PCDHGA1: variants seen among roughly 807,000 people sequenced by gnomAD.
The protein encoded by PCDHGA1 is protocadherin gamma-A1.
Under a neutral mutation model 58.0 loss-of-function variants are expected in PCDHGA1, and 32 were observed. The ratio of observed to expected loss-of-function variants is 0.55; its 90% CI spans 0.42 to 0.74. The LOEUF (loss-of-function observed/expected upper bound fraction) is 0.74, where lower values mean the gene tolerates loss of function less well. Among genes scored for constraint, PCDHGA1 ranks in the 30% least tolerant of loss-of-function variants. PCDHGA1 has a pLI of 0.00. For synonymous variants in PCDHGA1, 498 were observed against 501.1 expected (o/e 0.99, Z 0.08); for missense variants, 1,205 against 1,182.3 (o/e 1.02, Z -0.28).
chr5:141,434,027 G>A (rs887125944), intron 1 of PCDHGA1, among the ~76,000 whole-genome samples: 3 of 152,130 alleles, frequency 2.0e-5, no homozygotes, highest in Non-Finnish European at 2.9e-5. Flanking sequence ...GATTCTGGAA[G>A]CATGGTTTTC....
chr5:141,355,967 C>T (rs745830761), intron 1 of PCDHGA1: 1 of 1,613,862 alleles, frequency 6.2e-7, no homozygotes, highest in South Asian at 1.1e-5. Flanking sequence ...GAGAACGTTC[C>T]TGTAGGCACT....
rs185280755 is a variant in PCDHGA1 at position 141,476,824 on chromosome 5, C to T, written c.2422-17983C>T. Reference sequence around the variant, plus strand: ...TGCCTATTCACATCAAGGTGCTGGACGCGAATGACAATGCGCCTGTCTTCA... The same window carrying T: ...TGCCTATTCACATCAAGGTGCTGGATGCGAATGACAATGCGCCTGTCTTCA... On this transcript the variant is annotated intron_variant, in intron 1 of 3. Transcript: ENST00000517417. This position sits in a 1 kb window ranked among gnomAD's most constrained non-coding sequence, Gnocchi z 7.6. 24 of 1,613,588 alleles carry T rather than the reference C, an allele frequency of 1.5e-5. No homozygotes were observed. The East Asian group carries it at 4.5e-4, about 30-fold the overall frequency.
rs540471918 is a variant in PCDHGA1 at position 141,433,283 on chromosome 5, T to C, written c.2422-61524T>C. ...ATCATAGCTCACTGCAGCCTCAAAC[T>C]CCTAGGCTCAAGCAATTATCCCACC... On this transcript the variant is annotated intron_variant, in intron 1 of 3. Coordinates refer to ENST00000517417, the MANE Select transcript of PCDHGA1 (RefSeq NM_018912.3). The C allele has an allele frequency of 4.2e-5, 50 of 1,183,074 alleles. No homozygotes were observed. In the Admixed American group the frequency reaches 7.9e-4, roughly 19 times the overall value. 73.3% of individuals were successfully genotyped at this position (1,183,074 alleles called of 1,614,324 possible).
chr5:141,340,561 G>A (rs751249769), intron 1 of PCDHGA1: 4 of 1,614,250 alleles, frequency 2.5e-6, no homozygotes, highest in East Asian at 2.2e-5. Flanking sequence ...ACTTGCAAGT[G>A]TGGGTGATAG....
chr5:141,346,632 G>T (rs1426424420), intron 1 of PCDHGA1: 3 of 975,258 alleles, frequency 3.1e-6, no homozygotes, highest in Non-Finnish European at 4.5e-6. Context: ...CCCCGGTCTG[G>T]TTATGGTTGA....
At chr5:141,389,997 A>T (rs1278035747) in intron 1 of PCDHGA1, 1 of 1,613,962 alleles carries the variant, frequency 6.2e-7, no homozygotes, top group Non-Finnish European at 8.5e-7. Flanking sequence ...CCTCGTGGCC[A>T]TGATTCTGGC....
At chr5:141,400,262 G>T (rs1485452553) in intron 1 of PCDHGA1, 1 of 1,613,914 alleles carries the variant, frequency 6.2e-7, no homozygotes, top group African/African-American at 1.3e-5. Flanking sequence ...TTGCGCCTGC[G>T]ACGCTCCTCC....
chr5:141,403,703 G>A (rs747321937), intron 1 of PCDHGA1: 5 of 1,613,946 alleles, frequency 3.1e-6, no homozygotes, highest in Non-Finnish European at 4.2e-6. Context: ...CCGAGTTAAA[G>A]TCCTTGAGAA....
At chr5:141,346,273 G>A (rs202194695) in intron 1 of PCDHGA1, 6 of 1,614,164 alleles carry the variant, frequency 3.7e-6, no homozygotes, top group Middle Eastern at 1.7e-4. Context: ...GACGGGGTTC[G>A]GGCTTTCCTG....
intron 1 of PCDHGA1, chr5:141,356,239 G>T: frequency 6.3e-7 from 1 of 1,585,126 alleles, no homozygotes; most frequent in Non-Finnish European, 8.6e-7. Flanking sequence ...CGCACCAGAA[G>T]TCACAGTTAC....
At chr5:141,409,559 G>A (rs1421541308) in intron 1 of PCDHGA1, 1 of 1,613,936 alleles carries the variant, frequency 6.2e-7, no homozygotes, top group Admixed American at 1.7e-5. Context: ...CCCAGTTTTC[G>A]ACCAGACGTC....
intron 1 of PCDHGA1, chr5:141,395,544 G>A (rs1352260391): frequency 8.7e-5 from 1 of 11,524 alleles, no homozygotes. Flanking sequence ...GCTATTGTTT[G>A]TGTGTGTGTG....
intron 1 of PCDHGA1, among the ~76,000 whole-genome samples, chr5:141,348,447 A>T (rs1327232590): frequency 6.6e-6 from 1 of 152,238 alleles, no homozygotes; most frequent in Non-Finnish European, 1.5e-5. Context: ...TTTTAGAAAA[A>T]AAAATGTTTA....
rs1005709757 is a variant in PCDHGA1 at position 141,495,051 on chromosome 5, A to G, written c.2480+186A>G. Among the ~76,000 whole-genome samples, 3 of 152,042 alleles carry G rather than the reference A, an allele frequency of 2.0e-5. No homozygotes were observed. In the East Asian group the frequency reaches 5.8e-4, roughly 29 times the overall value. On this transcript the variant is annotated intron_variant, in intron 2 of 3. Transcript: ENST00000517417. ...CCGGAAGGAAGAGGCGACTGCCCTG[A>G]CTGTTCAGGAAGCTCAATTCACATG... is the stretch of plus-strand genomic sequence containing the variant.
At chr5:141,422,880 G>T in intron 1 of PCDHGA1, 1 of 1,614,258 alleles carries the variant, frequency 6.2e-7, no homozygotes, top group East Asian at 2.2e-5. Flanking sequence ...CGCTGAGCCT[G>T]TTCGTGCTGG....
At chr5:141,421,080 C>CA (rs2096545590) in intron 1 of PCDHGA1, 1 of 638,250 alleles carries the variant, frequency 1.6e-6, no homozygotes, top group East Asian at 2.9e-5. Context: ...GATGGATACT[C>CA]ACAGATCCTG....
At position 141,490,938 on chromosome 5, in the gene PCDHGA1, C is replaced by T. The variant is rs2099706179; in HGVS notation, c.2422-3869C>T. ...ATGATAATGCCCCAGCTGTGCTGCA[C>T]CCACGGCCAGACTGGGAACACTCAG... On this transcript the variant is annotated intron_variant, in intron 1 of 3. Coordinates refer to ENST00000517417, the MANE Select transcript of PCDHGA1 (RefSeq NM_018912.3). This position sits in a 1 kb window ranked among gnomAD's most constrained non-coding sequence, Gnocchi z 5.4. 6.2e-7 allele frequency: 1 copy of T among 1,613,554 alleles called. No homozygotes were observed. Among genetic ancestry groups the T allele is most frequent in the African/African-American group, 1.3e-5 (1 of 74,934 alleles).
intron 1 of PCDHGA1, among the ~76,000 whole-genome samples, chr5:141,435,710 C>T (rs1033703743): frequency 1.3e-5 from 2 of 152,148 alleles, no homozygotes; most frequent in Admixed American, 6.5e-5. Flanking sequence ...TGGTTACAGA[C>T]ACTGAATGCT....
chr5:141,339,066 G>T (rs765090248), intron 1 of PCDHGA1: 1 of 1,613,578 alleles, frequency 6.2e-7, no homozygotes, highest in Non-Finnish European at 8.5e-7. Context: ...GGGCAGATTC[G>T]CTATTCTGTG....
Sources: allele counts gnomAD v4.1 joint callset (sites outside exome capture counted in the v4.1 genomes callset), GRCh38; gene constraint gnomAD v4.1.1; non-coding constraint Gnocchi (gnomAD v3.1); transcripts MANE v1.5; gene names NCBI Gene and HGNC (gene_info 2026-07-23, HGNC 2026-07-21).